STAU2: variants seen among roughly 807,000 people sequenced by gnomAD.
The protein encoded by STAU2 is staufen double-stranded RNA binding protein 2, also known as double-stranded RNA-binding protein Staufen homolog 2.
In STAU2, 20 loss-of-function variants were observed where a neutral mutation model predicts 65.9. That is an observed-to-expected ratio of 0.30 (90% CI 0.21 to 0.44). The LOEUF (loss-of-function observed/expected upper bound fraction) is 0.44. Ranked by LOEUF, STAU2 falls within the 20% of genes least tolerant of loss-of-function variation. STAU2 has a pLI of 1.00. For synonymous variants in STAU2, 232 were observed against 233.9 expected (o/e 0.99, Z 0.07); for missense variants, 558 against 683.9 (o/e 0.82, Z 2.05).
intron 6 of STAU2, among the ~76,000 whole-genome samples, chr8:73,621,155 A>T (rs1468382544): frequency 1.3e-5 from 2 of 152,202 alleles, no homozygotes; most frequent in African/African-American, 2.4e-5. Flanking sequence ...TTGTAATCCA[A>T]ATTGTAATCT....
At chr8:73,508,137 C>CT (rs1445639521) in intron 13 of STAU2, among the ~76,000 whole-genome samples, 2 of 152,192 alleles carry the variant, frequency 1.3e-5, no homozygotes, top group Non-Finnish European at 2.9e-5. Flanking sequence ...CTTTCAAGAG[C>CT]TTTTCTTCTG....
rs761335258 is a variant in STAU2, at chr8:73,548,253, T to TAA, written c.1530+3757_1530+3758dup. 3.8e-5 allele frequency among the ~76,000 whole-genome samples: 5 copies of TAA among 130,760 alleles called. No homozygotes were observed. In the South Asian group the frequency reaches 7.3e-4, roughly 19 times the overall value. The allele number at this position is 130,760 out of a possible 152,430, so 85.8% of individuals were successfully genotyped here. ...CCTAACAAAAATGAATACCTTATTC[T>TAA]AAAAAAAAAAAAAAAGCTGCTGCAA... On this transcript the variant is annotated intron_variant, in intron 13 of 14. Transcript: ENST00000524300.
At chr8:73,499,883 C>T (rs968348032) in intron 13 of STAU2, among the ~76,000 whole-genome samples, 1 of 151,794 alleles carries the variant, frequency 6.6e-6, no homozygotes, top group Non-Finnish European at 1.5e-5. Context: ...TATGGAATAA[C>T]TCTAATCAGA....
At position 73,710,981 on chromosome 8, in the gene STAU2, T is replaced by C. The variant is rs533255522; in HGVS notation, c.-17-1819A>G. 8.6e-5 allele frequency among the ~76,000 whole-genome samples: 13 copies of C among 151,738 alleles called. No individual in the cohort carries two copies. In the South Asian group the frequency reaches 2.3e-3, roughly 27 times the overall value. Reference sequence around the variant, plus strand: ...CCCAATAATTTGTACAATGGCTTGATTGTGATAATTATGATTAAGAAACTA... The same window carrying C: ...CCCAATAATTTGTACAATGGCTTGACTGTGATAATTATGATTAAGAAACTA... On this transcript the variant is annotated intron_variant, in intron 3 of 14. Coordinates refer to ENST00000524300, the MANE Select transcript of STAU2 (RefSeq NM_001164380.2).
chr8:73,591,923 A>C (rs1810844756), intron 11 of STAU2, among the ~76,000 whole-genome samples: 1 of 144,922 alleles, frequency 6.9e-6, no homozygotes, highest in African/African-American at 2.6e-5. Flanking sequence ...AACAAGAGAG[A>C]GACAAGAAAA....
intron 6 of STAU2, among the ~76,000 whole-genome samples, chr8:73,655,688 G>A (rs528379115): frequency 4.2e-5 from 5 of 118,068 alleles, no homozygotes; most frequent in East Asian, 2.5e-4. Flanking sequence ...TTGCTCTGTC[G>A]CCCAGGCTGG....
chr8:73,572,087 A>C (rs1165652097), intron 12 of STAU2, among the ~76,000 whole-genome samples: 1 of 152,234 alleles, frequency 6.6e-6, no homozygotes, highest in African/African-American at 2.4e-5. Flanking sequence ...CATCCCACAG[A>C]AATACAAACT....
intron 13 of STAU2, among the ~76,000 whole-genome samples, chr8:73,425,590 C>T (rs947468680): frequency 1.3e-5 from 2 of 152,066 alleles, no homozygotes; most frequent in Non-Finnish European, 2.9e-5. Context: ...TGTACAGGGA[C>T]CTCATAGCTT....
chr8:73,522,968 C>T (rs941362637), intron 13 of STAU2, among the ~76,000 whole-genome samples: 11 of 151,948 alleles, frequency 7.2e-5, no homozygotes, highest in African/African-American at 2.4e-4. Context: ...GAGGCCAAGG[C>T]GCACAGATCA....
intron 6 of STAU2, among the ~76,000 whole-genome samples, chr8:73,647,252 T>C (rs1455798566): frequency 6.6e-6 from 1 of 151,698 alleles, no homozygotes; most frequent in East Asian, 1.9e-4. Context: ...GAAATAAACA[T>C]TTATGTCCAT....
intron 13 of STAU2, among the ~76,000 whole-genome samples, chr8:73,539,452 TATAA>T (rs754413764): frequency 4.1e-4 from 63 of 152,094 alleles, no homozygotes; most frequent in Non-Finnish European, 8.1e-4. Flanking sequence ...AAGGACCATA[TATAA>T]ATTCTAGAAA....
chr8:73,557,265 A>C (rs1807861896), intron 12 of STAU2, among the ~76,000 whole-genome samples: 1 of 152,174 alleles, frequency 6.6e-6, no homozygotes, highest in African/African-American at 2.4e-5. Flanking sequence ...TTTCTTCACA[A>C]ATAAAGATTA....
chr8:73,467,350 A>G (rs1468328752), intron 13 of STAU2, among the ~76,000 whole-genome samples: 2 of 152,022 alleles, frequency 1.3e-5, no homozygotes, highest in East Asian at 1.9e-4. Context: ...GGCTAACACG[A>G]TGAAACCCCG....
At chr8:73,696,596 G>A (rs1179033658) in intron 4 of STAU2, among the ~76,000 whole-genome samples, 1 of 152,308 alleles carries the variant, frequency 6.6e-6, no homozygotes, top group East Asian at 1.9e-4. Context: ...CAACTGACAT[G>A]ATGAGGACTA....
chr8:73,426,140 G>C (rs1816807583), intron 13 of STAU2, among the ~76,000 whole-genome samples: 1 of 150,880 alleles, frequency 6.6e-6, no homozygotes, highest in South Asian at 2.1e-4. Context: ...CTGTAGCCTG[G>C]ATCATGTCTT....
intron 4 of STAU2, among the ~76,000 whole-genome samples, chr8:73,693,432 G>A (rs530030083): frequency 5.5e-5 from 8 of 145,282 alleles, no homozygotes; most frequent in South Asian, 2.2e-4. Flanking sequence ...CCAAGACAGC[G>A]CCACTGCAGT....
At position 73,485,141 on chromosome 8, in the gene STAU2, CTTTTTTTTT is replaced by C. The variant is rs10524978; in HGVS notation, c.1531-62448_1531-62440del. ...TTACCCTGAGAACTACATCCTTACT[CTTTTTTTTT>C]TTTTTTTTTTTTTTTTTTTTGAGAC... On this transcript the variant is annotated intron_variant, in intron 13 of 14. Transcript: ENST00000524300. 6.2e-3 allele frequency among the ~76,000 whole-genome samples: 512 copies of C among 82,834 alleles called. 2 individuals carry two copies. Among genetic ancestry groups the C allele is most frequent in the East Asian group, 0.014 (32 of 2,320 alleles). 54.3% of individuals were successfully genotyped at this position (82,834 alleles called of 152,430 possible).
intron 4 of STAU2, among the ~76,000 whole-genome samples, chr8:73,694,377 T>C (rs1586289485): frequency 6.6e-6 from 1 of 152,298 alleles, no homozygotes; most frequent in Admixed American, 6.5e-5. Context: ...AAAAGCAGAA[T>C]ATACACTTGC....
intron 12 of STAU2, among the ~76,000 whole-genome samples, chr8:73,577,528 G>C (rs990545503): frequency 7.3e-5 from 11 of 151,482 alleles, no homozygotes; most frequent in Admixed American, 6.6e-5. Context: ...GTTTGTAAAT[G>C]TAAGTGTTTT....
Sources: allele counts gnomAD v4.1 joint callset (sites outside exome capture counted in the v4.1 genomes callset), GRCh38; gene constraint gnomAD v4.1.1; transcripts MANE v1.5; gene names NCBI Gene and HGNC (gene_info 2026-07-23, HGNC 2026-07-21).